GBE1: variants seen among roughly 807,000 people sequenced by gnomAD.
The protein encoded by GBE1 is 1,4-alpha-glucan branching enzyme 1, also known as 1,4-alpha-glucan-branching enzyme.
In GBE1, 70 loss-of-function variants were observed where a neutral mutation model predicts 88.8. That is an observed-to-expected ratio of 0.79 (90% CI 0.65 to 0.96). The LOEUF (loss-of-function observed/expected upper bound fraction) is 0.96. Ranked by LOEUF, GBE1 falls within the 40% of genes least tolerant of loss-of-function variation. The probability of loss-of-function intolerance (pLI) is 0.00; values close to 1 mark genes in which losing one functional copy is unlikely to be tolerated. For missense variants in GBE1, 872 were observed against 871.0 expected, an observed-to-expected ratio of 1.00 and a Z score of -0.01; for synonymous variants, 284 against 300.1, an observed-to-expected ratio of 0.95 and a Z score of 0.56.
intron 1 of GBE1, among the ~76,000 whole-genome samples, chr3:81,736,323 T>C (rs1559703226): frequency 6.6e-6 from 1 of 152,320 alleles, no homozygotes; most frequent in East Asian, 1.9e-4. Flanking sequence ...CATTGAAATG[T>C]TGGCCATTGC....
intron 3 of GBE1, among the ~76,000 whole-genome samples, chr3:81,652,625 A>C (rs948357255): frequency 6.6e-6 from 1 of 151,780 alleles, no homozygotes; most frequent in African/African-American, 2.4e-5. Flanking sequence ...AAATATCTCT[A>C]CTCTTTAGGC....
chr3:81,576,144 G>T (rs1011380406), intron 12 of GBE1, among the ~76,000 whole-genome samples: 5 of 151,530 alleles, frequency 3.3e-5, no homozygotes, highest in African/African-American at 1.2e-4. Context: ...AGTATTCATG[G>T]CAGCTTAAAA....
intron 3 of GBE1, among the ~76,000 whole-genome samples, chr3:81,664,585 T>C (rs1705084591): frequency 6.6e-6 from 1 of 152,134 alleles, no homozygotes; most frequent in South Asian, 2.1e-4. Context: ...TTAAAATTAT[T>C]TTTATATAAT....
chr3:81,621,930 C>CA (rs1306770523), intron 7 of GBE1, among the ~76,000 whole-genome samples: 2 of 152,104 alleles, frequency 1.3e-5, no homozygotes, highest in African/African-American at 4.8e-5. Flanking sequence ...TCTTTCCCTG[C>CA]AAAAAACCAA....
intron 2 of GBE1, among the ~76,000 whole-genome samples, chr3:81,696,253 C>CA (rs1402392225): frequency 3.3e-5 from 5 of 152,188 alleles, no homozygotes; most frequent in African/African-American, 9.7e-5. Context: ...CTGCATGAAA[C>CA]AACTGCTTGG....
Position 81,761,475 on chromosome 3 carries a change from C to T in GBE1, c.43G>A (p.Glu15Lys), listed in dbSNP as rs774709930. The T allele has an allele frequency of 2.4e-5, 38 of 1,612,854 alleles. No individual in the cohort carries two copies. The Middle Eastern group carries it at 5.1e-4, about 22-fold the overall frequency. ...GCCAGGGCGGCATTGAGCGCCGCCTCGTAGTCCTCGGGCCGAGCCGCGGGA... is the reference window on the plus strand; with the variant it reads ...GCCAGGGCGGCATTGAGCGCCGCCTTGTAGTCCTCGGGCCGAGCCGCGGGA... ...MTPAARPEDY[E>K]AALNAALADV... is the part of the protein sequence containing the mutation. Residue 15 changes from glutamate to lysine, a missense_variant, in exon 1 of 16, where the codon GAG (glutamate) becomes AAG (lysine). Physicochemically the swap from Glu to Lys is moderately conservative, Grantham distance 56. Transcript: ENST00000429644.
chr3:81,712,944 G>C (rs1705890499), intron 1 of GBE1, among the ~76,000 whole-genome samples: 1 of 151,966 alleles, frequency 6.6e-6, no homozygotes, highest in Non-Finnish European at 1.5e-5. Context: ...GCCAAATGAA[G>C]GTTAACCACT....
At chr3:81,652,443 G>T (rs1166592689) in intron 3 of GBE1, among the ~76,000 whole-genome samples, 1 of 152,144 alleles carries the variant, frequency 6.6e-6, no homozygotes, top group Non-Finnish European at 1.5e-5. Context: ...GTTTCCAAAG[G>T]TTCTGTCTTC....
At chr3:81,571,585 A>T (rs1338067703) in intron 12 of GBE1, among the ~76,000 whole-genome samples, 2 of 152,192 alleles carry the variant, frequency 1.3e-5, no homozygotes, top group Non-Finnish European at 2.9e-5. Context: ...GTGAAGCTAT[A>T]CTCATTTAAA....
chr3:81,506,709 A>G (rs547720390), intron 14 of GBE1, among the ~76,000 whole-genome samples: 2 of 152,350 alleles, frequency 1.3e-5, no homozygotes, highest in African/African-American at 4.8e-5. Context: ...AAAATGTGGT[A>G]CACATACACC....
chr3:81,753,520 T>C (rs1706560536), intron 1 of GBE1, among the ~76,000 whole-genome samples: 1 of 152,214 alleles, frequency 6.6e-6, no homozygotes, highest in African/African-American at 2.4e-5. Flanking sequence ...GACAATATTA[T>C]CACCTCACTA....
intron 15 of GBE1, among the ~76,000 whole-genome samples, chr3:81,493,460 G>T (rs1428421156): frequency 6.6e-6 from 1 of 151,440 alleles, no homozygotes. Context: ...ATTACATAAT[G>T]ATAATTTAGA....
At chr3:81,574,957 G>T (rs1464322008) in intron 12 of GBE1, among the ~76,000 whole-genome samples, 1 of 152,146 alleles carries the variant, frequency 6.6e-6, no homozygotes, top group Non-Finnish European at 1.5e-5. Flanking sequence ...GAGGTCAGGA[G>T]ATCGAGATCA....
chr3:81,662,075 C>G (rs569261736), intron 3 of GBE1, among the ~76,000 whole-genome samples: 1 of 152,084 alleles, frequency 6.6e-6, no homozygotes, highest in East Asian at 1.9e-4. Flanking sequence ...CCTTGTTGCC[C>G]AGGCTGGAGT....
At chr3:81,721,219 ATAAAT>A (rs1706026715) in intron 1 of GBE1, among the ~76,000 whole-genome samples, 1 of 103,954 alleles carries the variant, frequency 9.6e-6, no homozygotes, top group African/African-American at 4.5e-5. Context: ...AAATAAATAA[ATAAAT>A]AAATAAATAA....
chr3:81,633,739 A>C (rs1704550210), intron 7 of GBE1, among the ~76,000 whole-genome samples: 1 of 152,188 alleles, frequency 6.6e-6, no homozygotes. Flanking sequence ...TACTATATTT[A>C]ATCTATGAAG....
At chr3:81,687,076 C>T (rs891949515) in intron 2 of GBE1, among the ~76,000 whole-genome samples, 14 of 152,092 alleles carry the variant, frequency 9.2e-5, no homozygotes, top group African/African-American at 3.4e-4. Context: ...ACTATAGATC[C>T]GTCAATCAGA....
At chr3:81,731,122 T>C (rs1326228960) in intron 1 of GBE1, among the ~76,000 whole-genome samples, 2 of 152,124 alleles carry the variant, frequency 1.3e-5, no homozygotes, top group East Asian at 1.9e-4. Flanking sequence ...TCCAACATCC[T>C]ATACCATTTT....
intron 3 of GBE1, among the ~76,000 whole-genome samples, chr3:81,660,501 A>G (rs926743588): frequency 6.6e-6 from 1 of 152,218 alleles, no homozygotes; most frequent in Admixed American, 6.5e-5. Context: ...AATTCAGTCA[A>G]TAAAGCACAG....
Sources: allele counts gnomAD v4.1 joint callset (sites outside exome capture counted in the v4.1 genomes callset), GRCh38; gene constraint gnomAD v4.1.1; transcripts MANE v1.5; gene names NCBI Gene and HGNC (gene_info 2026-07-23, HGNC 2026-07-21).